PTPRG: variants seen among roughly 807,000 people sequenced by gnomAD.
PTPRG encodes protein tyrosine phosphatase receptor type G, also known as receptor-type tyrosine-protein phosphatase gamma.
A neutral mutation model predicts 165.3 loss-of-function variants in PTPRG; 102 were observed. The ratio of observed to expected loss-of-function variants is 0.62; its 90% CI spans 0.53 to 0.73. The LOEUF is 0.73. PTPRG is among the 30% of genes least tolerant of loss of function. PTPRG has a pLI of 0.00. For synonymous variants in PTPRG, 675 were observed against 669.5 expected (o/e 1.01, Z -0.13); for missense variants, 1,866 against 1,861.4 (o/e 1.00, Z -0.05).
intron 2 of PTPRG, among the ~76,000 whole-genome samples, chr3:61,966,659 G>A (rs1329778961): frequency 1.3e-5 from 2 of 151,842 alleles, no homozygotes; most frequent in Non-Finnish European, 2.9e-5. Context: ...ATTCAAGAAT[G>A]ATTTGCTGGG....
chr3:61,883,076 A>G (rs967941737), intron 2 of PTPRG, among the ~76,000 whole-genome samples: 1 of 151,362 alleles, frequency 6.6e-6, no homozygotes, highest in Non-Finnish European at 1.5e-5. Flanking sequence ...CAACAGCTCA[A>G]TACTGTGGCA....
chr3:61,830,740 A>C (rs751364119), intron 2 of PTPRG, among the ~76,000 whole-genome samples: 1 of 151,624 alleles, frequency 6.6e-6, no homozygotes, highest in Non-Finnish European at 1.5e-5. Context: ...ACACCTGGCT[A>C]ATTTTGCGTT....
At chr3:62,015,894 C>T (rs1056432977) in intron 4 of PTPRG, among the ~76,000 whole-genome samples, 5 of 152,202 alleles carry the variant, frequency 3.3e-5, no homozygotes, top group African/African-American at 1.2e-4. Flanking sequence ...AAAAAAAGAA[C>T]AATTTGAGGA....
chr3:62,270,733 T>G (rs373797578), intron 20 of PTPRG, among the ~76,000 whole-genome samples: 22 of 152,266 alleles, frequency 1.4e-4, no homozygotes, highest in African/African-American at 5.1e-4. Flanking sequence ...AGAAATTAGG[T>G]ATTGATAATA....
intron 2 of PTPRG, among the ~76,000 whole-genome samples, chr3:61,832,372 C>G (rs1052724392): frequency 6.6e-6 from 1 of 152,180 alleles, no homozygotes; most frequent in Non-Finnish European, 1.5e-5. Context: ...ATTTAATTCT[C>G]ATAACCCTAT....
At chr3:62,100,278 C>G (rs1454869491) in intron 5 of PTPRG, among the ~76,000 whole-genome samples, 1 of 152,080 alleles carries the variant, frequency 6.6e-6, no homozygotes, top group Non-Finnish European at 1.5e-5. Context: ...CTCTGGTGAC[C>G]TGTGTGGTGG....
chr3:61,805,138 C>G (rs2035373578), intron 2 of PTPRG, among the ~76,000 whole-genome samples: 1 of 152,040 alleles, frequency 6.6e-6, no homozygotes, highest in African/African-American at 2.4e-5. Context: ...CTTTTTTTCC[C>G]CTCCCTAAGC....
intron 1 of PTPRG, among the ~76,000 whole-genome samples, chr3:61,612,795 A>G (rs1469874708): frequency 2.6e-5 from 4 of 151,658 alleles, no homozygotes; most frequent in Admixed American, 1.3e-4. Flanking sequence ...GAATTTGATG[A>G]TATCAGCTTC....
At chr3:61,722,139 A>T (rs1036749079) in intron 1 of PTPRG, among the ~76,000 whole-genome samples, 32 of 152,104 alleles carry the variant, frequency 2.1e-4, no homozygotes, top group African/African-American at 7.7e-4. Flanking sequence ...TCAAAGATGG[A>T]GGGGCTGGCG....
intron 1 of PTPRG, among the ~76,000 whole-genome samples, chr3:61,590,389 T>A (rs762814652): frequency 6.6e-5 from 10 of 152,190 alleles, no homozygotes; most frequent in Middle Eastern, 3.4e-3. Flanking sequence ...GCTGGCGTAG[T>A]GGCACGCACC....
chr3:61,977,787 T>C (rs2040543391), intron 2 of PTPRG, among the ~76,000 whole-genome samples: 1 of 152,232 alleles, frequency 6.6e-6, no homozygotes, highest in African/African-American at 2.4e-5. Context: ...TTAAATATGT[T>C]TACAGAGATA....
At position 62,163,500 on chromosome 3, in the gene PTPRG, T is replaced by G. The variant is rs2106718988; in HGVS notation, c.841-4471T>G. On this transcript the variant is annotated intron_variant, in intron 7 of 29. Coordinates refer to ENST00000474889, the MANE Select transcript of PTPRG (RefSeq NM_002841.4). ...ACTTTAATGTCATTATTTAATGTCA[T>G]TACTTTAAGCTAAAAAGAAGTTGGA... Among the ~76,000 whole-genome samples, 3 of 152,320 alleles carry G rather than the reference T, an allele frequency of 2.0e-5. No individual in the cohort carries two copies. The South Asian group carries it at 6.2e-4, about 32-fold the overall frequency.
intron 6 of PTPRG, 80 bp from the exon 7 acceptor site, chr3:62,156,987 C>G (rs2106697924): frequency 7.7e-7 from 1 of 1,292,438 alleles, no homozygotes; most frequent in African/African-American, 1.5e-5. Flanking sequence ...CACCAGCATG[C>G]CGAGGGTGTT....
chr3:62,142,834 C>T (rs1703980446), intron 6 of PTPRG, among the ~76,000 whole-genome samples: 1 of 152,200 alleles, frequency 6.6e-6, no homozygotes, highest in African/African-American at 2.4e-5. Flanking sequence ...GGGCGCCTCA[C>T]TGCTGCTGTG....
intron 2 of PTPRG, among the ~76,000 whole-genome samples, chr3:61,819,871 G>C (rs1220431943): frequency 6.6e-6 from 1 of 152,158 alleles, no homozygotes; most frequent in African/African-American, 2.4e-5. Context: ...CCCTTATTTG[G>C]ATCCTGATTG....
intron 8 of PTPRG, among the ~76,000 whole-genome samples, chr3:62,191,191 G>A (rs1699806069): frequency 6.6e-6 from 1 of 151,494 alleles, no homozygotes; most frequent in South Asian, 2.1e-4. Context: ...GTGCACATAT[G>A]TGTATGTGCA....
At chr3:61,734,606 C>T (rs1385382346) in intron 1 of PTPRG, among the ~76,000 whole-genome samples, 1 of 152,168 alleles carries the variant, frequency 6.6e-6, no homozygotes, top group Non-Finnish European at 1.5e-5. Context: ...ATGTCTTTCT[C>T]GTTTGCTGTC....
At chr3:61,964,642 G>A (rs928012207) in intron 2 of PTPRG, among the ~76,000 whole-genome samples, 1 of 152,146 alleles carries the variant, frequency 6.6e-6, no homozygotes, top group Non-Finnish European at 1.5e-5. Flanking sequence ...CTCCATTCAT[G>A]TGAAGCTCCT....
intron 1 of PTPRG, among the ~76,000 whole-genome samples, chr3:61,636,079 C>G (rs567509298): frequency 3.9e-5 from 6 of 152,110 alleles, no homozygotes; most frequent in Non-Finnish European, 8.8e-5. Context: ...TTTGAGCTAT[C>G]CTGAAGGTCA....
Sources: allele counts gnomAD v4.1 joint callset (sites outside exome capture counted in the v4.1 genomes callset), GRCh38; gene constraint gnomAD v4.1.1; transcripts MANE v1.5; gene names NCBI Gene and HGNC (gene_info 2026-07-23, HGNC 2026-07-21).